Variants in MAEA observed in about 807,000 individuals in gnomAD.
The protein encoded by MAEA is macrophage erythroblast attacher, E3 ubiquitin ligase, also known as E3 ubiquitin-protein transferase MAEA.
In MAEA, 22 loss-of-function variants were observed where a neutral mutation model predicts 46.2. The ratio of observed to expected loss-of-function variants is 0.48; its 90% CI spans 0.34 to 0.68. MAEA has a LOEUF of 0.68. Ranked by LOEUF, MAEA falls within the 30% of genes least tolerant of loss-of-function variation. The pLI is 0.01. For synonymous variants in MAEA, 246 were observed against 222.6 expected, an observed-to-expected ratio of 1.11 and a Z score of -0.94; for missense variants, 393 against 558.1, an observed-to-expected ratio of 0.70 and a Z score of 2.98.
At chr4:1,309,722 TC>T in intron 1 of MAEA, 1 of 1,519,148 alleles carries the variant, frequency 6.6e-7, no homozygotes, top group Non-Finnish European at 8.8e-7. Context: ...GGTGAGCCCC[TC>T]CCCGGCCTCC....
intron 1 of MAEA, among the ~76,000 whole-genome samples, chr4:1,310,805 C>A (rs1448415280): frequency 6.6e-6 from 1 of 152,150 alleles, no homozygotes; most frequent in Non-Finnish European, 1.5e-5. Flanking sequence ...GGCCTTGCCA[C>A]CCGCCTCCTG....
chr4:1,304,659 T>C (rs1000742860), intron 1 of MAEA, among the ~76,000 whole-genome samples: 12 of 152,042 alleles, frequency 7.9e-5, no homozygotes, highest in African/African-American at 2.9e-4. Context: ...CAGGATGGTC[T>C]CCATCTCCTG....
Position 1,289,985 on chromosome 4 carries a change from G to C in MAEA, c.69+3G>C. ...TCCAGGAGTACCCGACCCTCAAGGT[G>C]GGCGCCTGCGCCGCGCAGGCTGAGG... On this transcript the variant is annotated splice_donor_region_variant and intron_variant, in intron 1 of 8. Transcript: ENST00000303400. 1 of 1,586,450 alleles carries C rather than the reference G, an allele frequency of 6.3e-7. No homozygotes were observed. The highest frequency in any genetic ancestry group is 8.6e-7 in the Non-Finnish European group (1 of 1,166,774).
intron 2 of MAEA, 39 bp downstream of exon 2, chr4:1,312,200 T>C (rs1039860347): frequency 1.9e-6 from 3 of 1,610,224 alleles, no homozygotes; most frequent in Admixed American, 1.7e-5. Context: ...GTCTGGGGCA[T>C]GGACACCCCT....
intron 4 of MAEA, among the ~76,000 whole-genome samples, chr4:1,326,024 C>G (rs1279052177): frequency 6.6e-6 from 1 of 151,752 alleles, no homozygotes; most frequent in Non-Finnish European, 1.5e-5. Context: ...CTGAGCCCCT[C>G]TGAGCCCCTG....
At chr4:1,318,630 G>A (rs539869986) in intron 3 of MAEA, among the ~76,000 whole-genome samples, 44 of 152,154 alleles carry the variant, frequency 2.9e-4, no homozygotes, top group Non-Finnish European at 5.6e-4. Flanking sequence ...CTGAGGAATC[G>A]CTTTTGACCA....
At chr4:1,308,531 G>C (rs1250911952) in intron 1 of MAEA, among the ~76,000 whole-genome samples, 1 of 152,238 alleles carries the variant, frequency 6.6e-6, no homozygotes, top group Non-Finnish European at 1.5e-5. Context: ...CGCCGGGCAC[G>C]TTCCCTGGCA....
intron 1 of MAEA, among the ~76,000 whole-genome samples, chr4:1,307,616 A>G (rs1410440751): frequency 6.6e-6 from 1 of 152,256 alleles, no homozygotes; most frequent in African/African-American, 2.4e-5. Context: ...GTGTGATTAC[A>G]GAGGCTGAGT....
At chr4:1,327,228 C>T (rs1738958331) in intron 4 of MAEA, among the ~76,000 whole-genome samples, 1 of 152,204 alleles carries the variant, frequency 6.6e-6, no homozygotes, top group Admixed American at 6.5e-5. Flanking sequence ...GTAGAGGAAG[C>T]AGTGGCCTCA....
intron 7 of MAEA, 102 bp from the exon 8 acceptor site, chr4:1,338,320 T>C (rs1437143427): frequency 2.2e-6 from 2 of 892,458 alleles, no homozygotes; most frequent in East Asian, 2.5e-5. Flanking sequence ...GGCGCCCACA[T>C]AGCCAGAAGG....
At chr4:1,315,660 G>A (rs1053331269) in intron 3 of MAEA, 60 bp downstream of exon 3, 37 of 1,555,928 alleles carry the variant, frequency 2.4e-5, no homozygotes, top group Middle Eastern at 1.9e-4. Context: ...ATGGCCAGCC[G>A]CCCTGTGGCA....
chr4:1,300,308 G>A (rs1207153103), intron 1 of MAEA, among the ~76,000 whole-genome samples: 1 of 152,184 alleles, frequency 6.6e-6, no homozygotes, highest in Non-Finnish European at 1.5e-5. Flanking sequence ...TTCTTTTTGT[G>A]TTTGATAAAT....
rs114333998 is a variant in MAEA, at chr4:1,292,821, C to T, written c.69+2839C>T. ...TCTTTTTGCTGTCAAATGCTGTGAA[C>T]GCCGTCCGGTGTAGGGTGGTGGGTA... On this transcript the variant is annotated intron_variant, in intron 1 of 8. Transcript: ENST00000303400. Among the ~76,000 whole-genome samples the T allele has an allele frequency of 1.8e-3, 279 of 151,822 alleles. 1 individual carries two copies. The highest frequency in any genetic ancestry group is 4.2e-3 in the African/African-American group (174 of 41,354).
rs146060857 is a variant in MAEA at position 1,332,343 on chromosome 4, C to G, written c.657-414C>G. On this transcript the variant is annotated intron_variant, in intron 5 of 8. Transcript: ENST00000303400. ...GCACCTCCCGCCATCCCAGCCCCAC[C>G]CAGCAGGTCGGCTTGGAGTGAGGCG... 1,035 of 159,332 alleles carry G rather than the reference C, an allele frequency of 6.5e-3. 19 individuals are homozygous for G. Among genetic ancestry groups the G allele is most frequent in the Non-Finnish European group, 0.011 (769 of 71,930 alleles). 9.9% of individuals were successfully genotyped at this position (159,332 alleles called of 1,614,324 possible).
chr4:1,338,246 GGCTGTTTA>G, intron 7 of MAEA, 168 bp from the exon 8 acceptor site: 1 of 545,540 alleles, frequency 1.8e-6, no homozygotes, highest in Non-Finnish European at 3.3e-6. Flanking sequence ...GCCTCAGTGG[GGCTGTTTA>G]GCTGTCGAGT....
At chr4:1,320,972 C>T (rs1457774398) in intron 3 of MAEA, among the ~76,000 whole-genome samples, 3 of 152,154 alleles carry the variant, frequency 2.0e-5, no homozygotes, top group Non-Finnish European at 2.9e-5. Flanking sequence ...TGGTGGCAGG[C>T]GCCTGTAGTC....
chr4:1,327,685 A>C lies in MAEA; in HGVS notation c.638A>C (p.Lys213Thr). Residue 213 changes from lysine to threonine, a missense_variant, in exon 5 of 9, where the codon AAG becomes ACG. This residue lies in a region of MAEA where 358 missense variants were observed against 537.9 expected (regional missense o/e 0.67). Coordinates refer to ENST00000303400, the MANE Select transcript of MAEA (RefSeq NM_001017405.3). Reference sequence around the variant, plus strand: ...TTCATTGAACTCATCCGGCAGAATAAGAGACTGGACGCTGTGAGGTAGGCA... The same window carrying C: ...TTCATTGAACTCATCCGGCAGAATACGAGACTGGACGCTGTGAGGTAGGCA... ...QEFIELIRQN[K>T]RLDAVRHARK... 1 of 1,613,836 alleles carries C rather than the reference A, an allele frequency of 6.2e-7. No individual in the cohort carries two copies. Among genetic ancestry groups the C allele is most frequent in the Non-Finnish European group, 8.5e-7 (1 of 1,179,946 alleles).
Position 1,339,421 on chromosome 4 carries a change from C to G in MAEA, c.*252C>G. ...GCTTCTGAAAAGTACTTTCAACTTGCGAAGGAAACTCTTCTTTAAAGACTG... is the reference window on the plus strand; with the variant it reads ...GCTTCTGAAAAGTACTTTCAACTTGGGAAGGAAACTCTTCTTTAAAGACTG... On this transcript the variant is annotated 3_prime_UTR_variant, in exon 9 of 9. Coordinates refer to ENST00000303400, the MANE Select transcript of MAEA (RefSeq NM_001017405.3). 1 of 514,358 alleles carries G rather than the reference C, an allele frequency of 1.9e-6. No individual in the cohort carries two copies. The highest frequency in any genetic ancestry group is 3.5e-6 in the Non-Finnish European group (1 of 289,132). 31.9% of individuals were successfully genotyped at this position (514,358 alleles called of 1,614,324 possible).
intron 1 of MAEA, among the ~76,000 whole-genome samples, chr4:1,306,483 C>G (rs1735844655): frequency 6.6e-6 from 1 of 152,146 alleles, no homozygotes; most frequent in Non-Finnish European, 1.5e-5. Context: ...CTATTGCACT[C>G]CAGCCTGGGT....
Sources: gnomAD v4.1 joint callset for allele counts (sites outside exome capture counted in the v4.1 genomes callset) on GRCh38, gnomAD v4.1.1 for gene constraint, gnomAD v4.1.1 regional missense constraint, MANE v1.5 for transcripts, NCBI Gene and HGNC (gene_info 2026-07-23, HGNC 2026-07-21) for gene names.